NTRK2: variants seen among roughly 807,000 people sequenced by gnomAD.
The protein encoded by NTRK2 is neurotrophic receptor tyrosine kinase 2.
NTRK2 carries 13 observed loss-of-function variants against 94.5 expected under a neutral mutation model. That is an observed-to-expected ratio of 0.14 (90% CI 0.09 to 0.22). The LOEUF (loss-of-function observed/expected upper bound fraction) is 0.22, where lower values mean the gene tolerates loss of function less well. Ranked by LOEUF, NTRK2 falls within the 10% of genes least tolerant of loss-of-function variation. The pLI is 1.00. For missense variants in NTRK2, 639 were observed against 1,071.2 expected, an observed-to-expected ratio of 0.60 and a Z score of 5.63; for synonymous variants, 372 against 407.4, an observed-to-expected ratio of 0.91 and a Z score of 1.05.
At chr9:84,735,699 G>T (rs2063211125) in intron 9 of NTRK2, among the ~76,000 whole-genome samples, 1 of 152,184 alleles carries the variant, frequency 6.6e-6, no homozygotes, top group East Asian at 1.9e-4. Flanking sequence ...ACAGGGTGGG[G>T]TTATCTGAGG....
chr9:84,848,104 AGAGAG>A (rs2074561811), intron 12 of NTRK2, among the ~76,000 whole-genome samples: 1 of 151,900 alleles, frequency 6.6e-6, no homozygotes, highest in African/African-American at 2.4e-5. Flanking sequence ...AGAGAGAGAG[AGAGAG>A]AGCTCAAGCA....
At chr9:84,924,424 C>T (rs943380125) in intron 14 of NTRK2, among the ~76,000 whole-genome samples, 1 of 152,130 alleles carries the variant, frequency 6.6e-6, no homozygotes, top group Non-Finnish European at 1.5e-5. Flanking sequence ...GACTGTCTGG[C>T]CCACCTGCCA....
intron 2 of NTRK2, among the ~76,000 whole-genome samples, chr9:84,682,542 T>A (rs2059451929): frequency 6.6e-6 from 1 of 152,086 alleles, no homozygotes; most frequent in African/African-American, 2.4e-5. Context: ...TAGGATCCTA[T>A]CTAATGTCTC....
At chr9:84,819,675 C>T (rs1161291254) in intron 12 of NTRK2, among the ~76,000 whole-genome samples, 1 of 152,220 alleles carries the variant, frequency 6.6e-6, no homozygotes, top group Non-Finnish European at 1.5e-5. Context: ...TTGTGTTCCC[C>T]CTGTGGAGGC....
intron 14 of NTRK2, chr9:84,872,050 C>A: frequency 9.3e-6 from 13 of 1,403,732 alleles, no homozygotes; most frequent in Non-Finnish European, 1.2e-5. Context: ...TAACTATAGA[C>A]CCATCTCCTC....
At chr9:84,870,327 G>GTA (rs2075800649) in intron 14 of NTRK2, among the ~76,000 whole-genome samples, 1 of 22,910 alleles carries the variant, frequency 4.4e-5, no homozygotes, top group Non-Finnish European at 1.1e-4. Flanking sequence ...TGGGGTGTGT[G>GTA]TGTGTATATA....
chr9:84,810,816 C>A, intron 12 of NTRK2: 1 of 1,359,530 alleles, frequency 7.4e-7, no homozygotes, highest in Non-Finnish European at 9.4e-7. Flanking sequence ...AGCAGCACCT[C>A]AAGAAAACAT....
chr9:85,005,351 T>C (rs1205245458), intron 17 of NTRK2, among the ~76,000 whole-genome samples: 3 of 152,206 alleles, frequency 2.0e-5, no homozygotes, highest in Non-Finnish European at 4.4e-5. Flanking sequence ...ATTGGAAACA[T>C]CCGTCTTCCA....
chr9:84,992,745 A>G (rs546757667), intron 17 of NTRK2, among the ~76,000 whole-genome samples: 1 of 152,142 alleles, frequency 6.6e-6, no homozygotes, highest in African/African-American at 2.4e-5. Context: ...CAAGGGTCCA[A>G]TGTCAATTTC....
At chr9:84,880,316 A>G (rs770332998) in intron 14 of NTRK2, among the ~76,000 whole-genome samples, 7 of 152,200 alleles carry the variant, frequency 4.6e-5, no homozygotes, top group Non-Finnish European at 7.4e-5. Flanking sequence ...GTGAGAACCC[A>G]CAGCTCCTGG....
At chr9:84,844,411 G>T (rs1005775309) in intron 12 of NTRK2, among the ~76,000 whole-genome samples, 3 of 152,104 alleles carry the variant, frequency 2.0e-5, no homozygotes, top group Admixed American at 1.3e-4. Context: ...GAGAATTTTT[G>T]TAAGGGGAGG....
Position 84,672,948 on chromosome 9 carries a change from A to G in NTRK2, c.212+1988A>G, listed in dbSNP as rs142623138. ...AGCATGTGTCATAGTTATTCATTCA[A>G]TCGTGGCACTTCTAATTTCTACTCT... is the stretch of plus-strand genomic sequence containing the variant. On this transcript the variant is annotated intron_variant, in intron 2 of 18. Transcript: ENST00000277120. 1.4e-3 allele frequency among the ~76,000 whole-genome samples: 207 copies of G among 152,316 alleles called. 2 individuals are homozygous for G. The highest frequency in any genetic ancestry group is 4.8e-3 in the African/African-American group (199 of 41,580).
intron 15 of NTRK2, among the ~76,000 whole-genome samples, chr9:84,938,488 T>C (rs1181839064): frequency 6.6e-6 from 1 of 152,210 alleles, no homozygotes; most frequent in Non-Finnish European, 1.5e-5. Flanking sequence ...CTCCATGACA[T>C]ATGCTATTAA....
chr9:84,970,136 A>C (rs1826013717), intron 17 of NTRK2, among the ~76,000 whole-genome samples: 1 of 152,120 alleles, frequency 6.6e-6, no homozygotes, highest in Admixed American at 6.6e-5. Context: ...CATGCCTGTA[A>C]TTCCAAGGAG....
At chr9:84,725,700 C>A (rs2132051919) in intron 8 of NTRK2, among the ~76,000 whole-genome samples, 1 of 149,272 alleles carries the variant, frequency 6.7e-6, no homozygotes. Context: ...TATATAGGGT[C>A]TCCCCAAATT....
chr9:84,737,317 A>G (rs2063330489), intron 9 of NTRK2, among the ~76,000 whole-genome samples: 1 of 152,234 alleles, frequency 6.6e-6, no homozygotes, highest in Non-Finnish European at 1.5e-5. Context: ...TAGAGTCTTA[A>G]CAGTTGAAAT....
chr9:84,695,809 G>A (rs1564071379), intron 2 of NTRK2, among the ~76,000 whole-genome samples: 1 of 152,010 alleles, frequency 6.6e-6, no homozygotes, highest in African/African-American at 2.4e-5. Context: ...GCCCTCACAG[G>A]GCAAGTGCAT....
chr9:84,755,362 C>T (rs1334875310), intron 12 of NTRK2, among the ~76,000 whole-genome samples: 1 of 151,988 alleles, frequency 6.6e-6, no homozygotes, highest in Admixed American at 6.6e-5. Context: ...AGTTGGCGCT[C>T]AATACATATT....
At chr9:84,903,052 G>T (rs2076978001) in intron 14 of NTRK2, among the ~76,000 whole-genome samples, 1 of 152,130 alleles carries the variant, frequency 6.6e-6, no homozygotes, top group South Asian at 2.1e-4. Flanking sequence ...AGGAGTTTTT[G>T]ATTTTTACTG....
Sources: gnomAD v4.1 joint callset for allele counts (sites outside exome capture counted in the v4.1 genomes callset) on GRCh38, gnomAD v4.1.1 for gene constraint, MANE v1.5 for transcripts, NCBI Gene and HGNC (gene_info 2026-07-23, HGNC 2026-07-21) for gene names.